Variants in KTN1 observed in about 807,000 individuals in gnomAD.
KTN1 encodes the protein kinectin 1.
KTN1 carries 130 observed loss-of-function variants against 222.5 expected under a neutral mutation model. That is an observed-to-expected ratio of 0.58 (90% confidence interval 0.51 to 0.68). The LOEUF (loss-of-function observed/expected upper bound fraction) is 0.68. Ranked by LOEUF, KTN1 falls within the 30% of genes least tolerant of loss-of-function variation. KTN1 has a pLI of 0.00. For missense variants in KTN1, 1,508 were observed against 1,500.4 expected (o/e 1.01, Z -0.08); for synonymous variants, 512 against 496.3 (o/e 1.03, Z -0.42).
chr14:55,605,878 G>A (rs1039566775), intron 1 of KTN1, among the ~76,000 whole-genome samples: 1 of 151,926 alleles, frequency 6.6e-6, no homozygotes, highest in Admixed American at 6.6e-5. Context: ...ATGATACTTG[G>A]CTACCAATAG....
At chr14:55,642,474 C>T (rs1008989234) in intron 18 of KTN1, among the ~76,000 whole-genome samples, 2 of 152,142 alleles carry the variant, frequency 1.3e-5, no homozygotes, top group Non-Finnish European at 2.9e-5. Context: ...GTGCTGCCTT[C>T]GTACTCTTCT....
At position 55,581,188 on chromosome 14, in the gene KTN1, G is replaced by A. The variant is rs192918033; in HGVS notation, c.-31+834G>A. ...CAGCCATACGTCTGGTGTGGGATGT[G>A]CAGCCCCGCATGCTGGCGGTGAAGG... On this transcript the variant is annotated intron_variant, in intron 1 of 43. Coordinates refer to ENST00000395314, the MANE Select transcript of KTN1 (RefSeq NM_001079521.2). Among the ~76,000 whole-genome samples, 38 of 152,334 alleles carry A rather than the reference G, an allele frequency of 2.5e-4. No individual in the cohort carries two copies. In the East Asian group the frequency reaches 6.4e-3, roughly 26 times the overall value.
At chr14:55,658,709 T>C (rs1459410563) in intron 30 of KTN1, 95 bp downstream of exon 30, 2 of 727,668 alleles carry the variant, frequency 2.7e-6, no homozygotes, top group Non-Finnish European at 4.8e-6. Flanking sequence ...TGCATTTTCA[T>C]TGAGAATGAA....
At chr14:55,678,271 T>C in intron 41 of KTN1, 81 bp from the exon 42 acceptor site, 1 of 899,122 alleles carries the variant, frequency 1.1e-6, no homozygotes. Context: ...TTTTATCTTC[T>C]ACAAAATGAA....
intron 18 of KTN1, among the ~76,000 whole-genome samples, chr14:55,646,699 CT>C (rs1464662454): frequency 6.6e-6 from 1 of 151,526 alleles, no homozygotes; most frequent in African/African-American, 2.4e-5. Context: ...TTAAGGTTAT[CT>C]TTTCTAGTGA....
At chr14:55,614,013 C>T (rs972415370) in intron 2 of KTN1, among the ~76,000 whole-genome samples, 1 of 152,102 alleles carries the variant, frequency 6.6e-6, no homozygotes, top group East Asian at 1.9e-4. Context: ...AGTGGGGTCT[C>T]ATTACTCATT....
Position 55,615,960 on chromosome 14 carries a change from C to T in KTN1, c.524-557C>T, listed in dbSNP as rs552008446. Among the ~76,000 whole-genome samples, 8 of 151,604 alleles carry T rather than the reference C, an allele frequency of 5.3e-5. 1 individual carries two copies. The highest frequency in any genetic ancestry group is 1.9e-4 in the African/African-American group (8 of 41,278). ...ACAGGGTCTTGCTCTGTTGCTGAGG[C>T]TCGAGTGAATGGTGTGATCTTGGCT... On this transcript the variant is annotated intron_variant, in intron 2 of 43. Coordinates refer to ENST00000395314, the MANE Select transcript of KTN1 (RefSeq NM_001079521.2).
At chr14:55,619,409 C>G (rs899682997) in intron 5 of KTN1, 97 bp downstream of exon 5, 2 of 1,102,416 alleles carry the variant, frequency 1.8e-6, no homozygotes, top group East Asian at 2.4e-5. Context: ...TACTCCCATC[C>G]TTAACATCTC....
At chr14:55,587,588 AC>A (rs1294310785) in intron 1 of KTN1, among the ~76,000 whole-genome samples, 2 of 152,210 alleles carry the variant, frequency 1.3e-5, no homozygotes, top group Non-Finnish European at 2.9e-5. Context: ...GAATTCACTT[AC>A]GTGCCACCAA....
At chr14:55,647,320 C>T (rs546709561) in intron 19 of KTN1, among the ~76,000 whole-genome samples, 72 of 152,158 alleles carry the variant, frequency 4.7e-4, no homozygotes, top group African/African-American at 1.5e-3. Context: ...AAGAGTTGAT[C>T]CATTTAAAAT....
Position 55,612,015 on chromosome 14 carries a change from T to G in KTN1, c.-30-4T>G. The G allele has an allele frequency of 8.0e-7, 1 of 1,248,788 alleles. No homozygotes were observed. 77.4% of individuals were successfully genotyped at this position (1,248,788 alleles called of 1,614,324 possible). On this transcript the variant is annotated splice_polypyrimidine_tract_variant and splice_region_variant and intron_variant, in intron 1 of 43. Coordinates refer to ENST00000395314, the MANE Select transcript of KTN1 (RefSeq NM_001079521.2). ...TTTTTGTCCCCACCTTCTTCCCTAT[T>G]TAGGTTTTATAGGATCACATTGACA...
intron 31 of KTN1, among the ~76,000 whole-genome samples, chr14:55,660,757 A>T (rs930306871): frequency 1.3e-5 from 2 of 152,188 alleles, no homozygotes; most frequent in African/African-American, 4.8e-5. Flanking sequence ...TGTTTTATAC[A>T]TGTGTATATA....
intron 32 of KTN1, chr14:55,663,085 A>G: frequency 2.4e-6 from 1 of 414,910 alleles, no homozygotes; most frequent in South Asian, 1.7e-5. Context: ...TTCCCTATCT[A>G]TAGAATGGGA....
At chr14:55,666,694 C>A (rs2044788867) in intron 33 of KTN1, among the ~76,000 whole-genome samples, 2 of 151,790 alleles carry the variant, frequency 1.3e-5, no homozygotes, top group Non-Finnish European at 2.9e-5. Context: ...TTCTTTTTCC[C>A]ATTTATGTCA....
At position 55,648,855 on chromosome 14, in the gene KTN1, T is replaced by C. The variant is rs1310015756; in HGVS notation, c.2352T>C (p.Ala784=). 1.3e-6 allele frequency: 2 copies of C among 1,595,292 alleles called. No individual in the cohort carries two copies. The highest frequency in any genetic ancestry group is 2.2e-5 in the South Asian group (2 of 89,654). Residue 784 remains alanine, a synonymous_variant, in exon 21 of 44, where the codon GCT becomes GCC. Transcript: ENST00000395314. Reference sequence around the variant, plus strand: ...CAAAAGAAGTTCAAGACTTAAAAGCTAAGCAAAATGATCAGGTAATGTAAA... The same window carrying C: ...CAAAAGAAGTTCAAGACTTAAAAGCCAAGCAAAATGATCAGGTAATGTAAA... ...SLTKEVQDLK[A]KQNDQVSFAS...
chr14:55,605,936 A>C (rs1047125491), intron 1 of KTN1, among the ~76,000 whole-genome samples: 16 of 152,154 alleles, frequency 1.1e-4, no homozygotes, highest in African/African-American at 3.9e-4. Context: ...ATTTTTCTTA[A>C]AAAAAGATTA....
intron 43 of KTN1, chr14:55,681,864 ATGTT>A (rs1233236680): frequency 6.6e-6 from 1 of 152,042 alleles, no homozygotes; most frequent in Admixed American, 6.6e-5. Flanking sequence ...TACCCGTTAA[ATGTT>A]TGTGTTACCC....
Position 55,626,049 on chromosome 14 carries a change from C to G in KTN1, c.964-1863C>G, listed in dbSNP as rs1362971071. Among the ~76,000 whole-genome samples the G allele has an allele frequency of 2.6e-5, 4 of 152,180 alleles. No homozygotes were observed. The East Asian group carries it at 5.8e-4, about 22-fold the overall frequency. On this transcript the variant is annotated intron_variant, in intron 5 of 43. Transcript: ENST00000395314. ...TGACATTGACTGCTCTGTTAAACTT[C>G]CCTTGGACACAGTATGCCTTTTCAG...
intron 43 of KTN1, chr14:55,680,820 C>T: frequency 1.3e-6 from 1 of 745,412 alleles, no homozygotes; most frequent in South Asian, 1.4e-5. Flanking sequence ...AATTAAGCCT[C>T]AGCTCAAATC....
Sources: gnomAD v4.1 joint callset for allele counts (sites outside exome capture counted in the v4.1 genomes callset) on GRCh38, gnomAD v4.1.1 for gene constraint, MANE v1.5 for transcripts, NCBI Gene and HGNC (gene_info 2026-07-23, HGNC 2026-07-21) for gene names.